Variants in NRG3 observed in about 807,000 individuals in gnomAD.
The protein encoded by NRG3 is pro-neuregulin-3, membrane-bound isoform.
In NRG3, 31 loss-of-function variants were observed where a neutral mutation model predicts 66.9. The observed-to-expected ratio is 0.46, with a 90% CI of 0.35 to 0.63. The LOEUF (loss-of-function observed/expected upper bound fraction) is 0.63, where lower values mean the gene tolerates loss of function less well. Among genes scored for constraint, NRG3 ranks in the 20% least tolerant of loss-of-function variants. NRG3 has a pLI of 0.00. For synonymous variants in NRG3, 393 were observed against 359.4 expected, an observed-to-expected ratio of 1.09 and a Z score of -1.06; for missense variants, 910 against 878.9, an observed-to-expected ratio of 1.04 and a Z score of -0.45.
chr10:82,134,006 T>C (rs1450876987), intron 1 of NRG3, among the ~76,000 whole-genome samples: 1 of 152,218 alleles, frequency 6.6e-6, no homozygotes, highest in East Asian at 1.9e-4. Flanking sequence ...TGCATTTCTC[T>C]AATGATCACT....
intron 2 of NRG3, among the ~76,000 whole-genome samples, chr10:82,590,659 C>T (rs1294505023): frequency 2.0e-5 from 3 of 152,124 alleles, no homozygotes; most frequent in Admixed American, 1.3e-4. Context: ...GGTTGTGGTG[C>T]ACCTGTGCTC....
chr10:82,175,902 A>C (rs1285502428), intron 1 of NRG3, among the ~76,000 whole-genome samples: 1 of 152,182 alleles, frequency 6.6e-6, no homozygotes, highest in Non-Finnish European at 1.5e-5. Flanking sequence ...TAACTCCATG[A>C]TATAGTTGCA....
intron 1 of NRG3, among the ~76,000 whole-genome samples, chr10:82,147,703 T>A (rs1227922508): frequency 6.6e-6 from 1 of 152,174 alleles, no homozygotes; most frequent in Non-Finnish European, 1.5e-5. Flanking sequence ...ACTTCTTAAT[T>A]CATGGTATTT....
At chr10:81,883,478 T>C (rs1842355452) in intron 1 of NRG3, among the ~76,000 whole-genome samples, 1 of 152,184 alleles carries the variant, frequency 6.6e-6, no homozygotes, top group Non-Finnish European at 1.5e-5. Context: ...AGTTTAATAA[T>C]GGAAGTTTAG....
chr10:82,780,065 G>A (rs1015453935), intron 3 of NRG3, among the ~76,000 whole-genome samples: 6 of 152,240 alleles, frequency 3.9e-5, no homozygotes, highest in East Asian at 1.9e-4. Flanking sequence ...CCTTTCTTAT[G>A]GCTGCATAGT....
intron 2 of NRG3, among the ~76,000 whole-genome samples, chr10:82,413,739 T>C (rs946762958): frequency 6.6e-6 from 1 of 152,230 alleles, no homozygotes; most frequent in Non-Finnish European, 1.5e-5. Flanking sequence ...GATTACTTGC[T>C]GTTCCTTCTA....
chr10:82,525,640 C>A, intron 2 of NRG3, among the ~76,000 whole-genome samples: 1 of 151,076 alleles, frequency 6.6e-6, no homozygotes. Context: ...GAACATCATG[C>A]AATAATGATA....
intron 4 of NRG3, among the ~76,000 whole-genome samples, chr10:82,866,483 G>A (rs1840752088): frequency 6.6e-6 from 1 of 152,104 alleles, no homozygotes; most frequent in Non-Finnish European, 1.5e-5. Context: ...ACCGGAATTG[G>A]TGTTCCCAGT....
chr10:82,440,198 T>C (rs1232765619), intron 2 of NRG3, among the ~76,000 whole-genome samples: 1 of 151,960 alleles, frequency 6.6e-6, no homozygotes, highest in South Asian at 2.1e-4. Context: ...AATCATCCTT[T>C]CTCTAGATTT....
chr10:82,710,741 A>T (rs1040251947), intron 2 of NRG3, among the ~76,000 whole-genome samples: 1 of 151,080 alleles, frequency 6.6e-6, no homozygotes, highest in Non-Finnish European at 1.5e-5. Context: ...TATGACACAA[A>T]TGGGTCATTT....
At chr10:82,600,288 T>G (rs2047539493) in intron 2 of NRG3, among the ~76,000 whole-genome samples, 1 of 152,258 alleles carries the variant, frequency 6.6e-6, no homozygotes, top group South Asian at 2.1e-4. Context: ...TGATTAGATT[T>G]TATCTTATTG....
At position 82,958,981 on chromosome 10, in the gene NRG3, A is replaced by C. The variant is rs2132440959; in HGVS notation, c.1190A>C (p.Lys397Thr). 1.9e-6 allele frequency: 3 copies of C among 1,604,024 alleles called. No individual in the cohort carries two copies. The East Asian group carries it at 6.7e-5, about 36-fold the overall frequency. Residue 397 changes from lysine (K) to threonine (T), a missense_variant, in exon 6 of 9, where the codon AAA becomes ACA. By Grantham distance (78) the Lys-to-Thr change is moderately conservative. Transcript: ENST00000372141. The stretch of plus-strand genomic sequence containing the variant: ...GCTAAACAAATCCAAGAGCAGCTGA[A>C]AGTGCCACAAAATGGTAAAAGCTAC... ...KQAKQIQEQL[K>T]VPQNGKSYSL...
rs112494361 is a variant in NRG3 at position 82,317,940 on chromosome 10, AT to A, written c.824-40786del. On this transcript the variant is annotated intron_variant, in intron 1 of 8. Coordinates refer to ENST00000372141, the MANE Select transcript of NRG3 (RefSeq NM_001010848.4). The stretch of plus-strand genomic sequence containing the variant: ...CCTTTGTCTGGCTCAGTGAATCTAC[AT>A]TTTTTTTTTTTTACATAAGATGATA... Among the ~76,000 whole-genome samples, 970 of 145,362 alleles carry A rather than the reference AT, an allele frequency of 6.7e-3. 5 individuals carry two copies. Among genetic ancestry groups the A allele is most frequent in the African/African-American group, 0.019 (750 of 39,972 alleles).
intron 3 of NRG3, among the ~76,000 whole-genome samples, chr10:82,824,698 C>T (rs2062111478): frequency 6.6e-6 from 1 of 151,038 alleles, no homozygotes; most frequent in South Asian, 2.1e-4. Context: ...AAATATTTTG[C>T]CCATTTTTTA....
intron 2 of NRG3, among the ~76,000 whole-genome samples, chr10:82,606,026 T>C (rs1344005309): frequency 6.6e-6 from 1 of 152,094 alleles, no homozygotes; most frequent in African/African-American, 2.4e-5. Context: ...GTCACTTTCA[T>C]CAACTTCTGC....
intron 1 of NRG3, among the ~76,000 whole-genome samples, chr10:82,264,407 C>A (rs989971199): frequency 3.3e-5 from 5 of 152,108 alleles, no homozygotes; most frequent in African/African-American, 1.2e-4. Flanking sequence ...AACTGCGACC[C>A]CCACTCCCGC....
Position 82,003,962 on chromosome 10 carries a change from G to A in NRG3, c.823+127799G>A, listed in dbSNP as rs1589749219. On this transcript the variant is annotated intron_variant, in intron 1 of 8. Coordinates refer to ENST00000372141, the MANE Select transcript of NRG3 (RefSeq NM_001010848.4). ...GAGCCCAGGAGTTCAAGTCCAGCCT[G>A]GGTGCTGTAAGGATACCTGACTGAA... Among the ~76,000 whole-genome samples, 3 of 149,508 alleles carry A rather than the reference G, an allele frequency of 2.0e-5. No homozygotes were observed. The South Asian group carries it at 6.4e-4, about 32-fold the overall frequency.
At chr10:82,457,760 C>G (rs773454581) in intron 2 of NRG3, among the ~76,000 whole-genome samples, 11 of 152,248 alleles carry the variant, frequency 7.2e-5, no homozygotes, top group South Asian at 2.1e-4. Flanking sequence ...CCTGTAGGGA[C>G]CTGAATGTCA....
intron 1 of NRG3, among the ~76,000 whole-genome samples, chr10:82,091,323 C>T (rs1036660366): frequency 2.6e-5 from 4 of 152,154 alleles, no homozygotes; most frequent in African/African-American, 9.7e-5. Context: ...CCTTCTCCTC[C>T]TCCTCATGCC....
Sources: allele counts gnomAD v4.1 joint callset (sites outside exome capture counted in the v4.1 genomes callset), GRCh38; gene constraint gnomAD v4.1.1; transcripts MANE v1.5; gene names NCBI Gene and HGNC (gene_info 2026-07-23, HGNC 2026-07-21).